The following CCDC148 variants were observed in gnomAD, a reference collection of about 807,000 sequenced individuals.
CCDC148 encodes coiled-coil domain-containing protein 148.
Under a neutral mutation model 85.7 loss-of-function variants are expected in CCDC148, and 89 were observed. That is an observed-to-expected ratio of 1.04 (90% CI 0.87 to 1.24). The LOEUF (loss-of-function observed/expected upper bound fraction) is 1.24. Among genes scored for constraint, CCDC148 ranks in the 50% most tolerant of loss-of-function variants. CCDC148 has a pLI of 0.00. For missense variants in CCDC148, 692 were observed against 671.7 expected, an observed-to-expected ratio of 1.03 and a Z score of -0.33; for synonymous variants, 230 against 213.9, an observed-to-expected ratio of 1.08 and a Z score of -0.66.
chr2:158,314,014 T>A, intron 7 of CCDC148, 120 bp from the exon 8 acceptor site: 1 of 899,826 alleles, frequency 1.1e-6, no homozygotes, highest in Non-Finnish European at 1.6e-6. Context: ...CTGTGTATTT[T>A]AAATACATTA....
chr2:158,179,068 AG>A, intron 11 of CCDC148, 72 bp from the exon 12 acceptor site: 1 of 1,143,050 alleles, frequency 8.7e-7, no homozygotes, highest in Non-Finnish European at 1.3e-6. Flanking sequence ...AAAACAGCAT[AG>A]GGGCAGAACA....
intron 1 of CCDC148, among the ~76,000 whole-genome samples, chr2:158,413,432 T>TA (rs1686354057): frequency 6.6e-6 from 1 of 152,190 alleles, no homozygotes; most frequent in African/African-American, 2.4e-5. Flanking sequence ...CATTTAATTT[T>TA]AAAAATTAAT....
intron 11 of CCDC148, among the ~76,000 whole-genome samples, chr2:158,205,298 G>C (rs1204867166): frequency 6.6e-6 from 1 of 152,116 alleles, no homozygotes; most frequent in Non-Finnish European, 1.5e-5. Context: ...ATTGGGCAGT[G>C]AGTACATCCT....
At chr2:158,291,801 A>T (rs1338314578) in intron 9 of CCDC148, among the ~76,000 whole-genome samples, 1 of 152,228 alleles carries the variant, frequency 6.6e-6, no homozygotes, top group East Asian at 1.9e-4. Flanking sequence ...GTAGGTGCAC[A>T]AAAACTATTT....
chr2:158,351,563 T>C (rs1479014281), intron 2 of CCDC148, among the ~76,000 whole-genome samples: 1 of 152,214 alleles, frequency 6.6e-6, no homozygotes, highest in East Asian at 1.9e-4. Flanking sequence ...CGCACCTGGC[T>C]TGGAGGGTCC....
rs563547953 is a variant in CCDC148 at position 158,326,958 on chromosome 2, A to G, written c.764+11768T>C. On this transcript the variant is annotated intron_variant, in intron 7 of 13. Transcript: ENST00000283233. ...TTACTTAACTATATACCTCACCCTA[A>G]CCCTTACATATTGTTCCATGTCAGT... Among the ~76,000 whole-genome samples the G allele has an allele frequency of 2.6e-5, 4 of 152,140 alleles. No homozygotes were observed. In the South Asian group the frequency reaches 8.3e-4, roughly 32 times the overall value.
At chr2:158,253,378 A>G (rs1453588495) in intron 9 of CCDC148, among the ~76,000 whole-genome samples, 1 of 151,578 alleles carries the variant, frequency 6.6e-6, no homozygotes, top group East Asian at 1.9e-4. Flanking sequence ...TTCTTAGCTC[A>G]TGGAGTGACT....
At chr2:158,240,452 T>TCTCTCCCACACA (rs941238898) in intron 10 of CCDC148, among the ~76,000 whole-genome samples, 9 of 120,468 alleles carry the variant, frequency 7.5e-5, no homozygotes, top group Non-Finnish European at 1.4e-4. Flanking sequence ...TCTCTCTCTC[T>TCTCTCCCACACA]CACACACACA....
At chr2:158,236,673 A>C (rs1408134718) in intron 10 of CCDC148, among the ~76,000 whole-genome samples, 1 of 152,156 alleles carries the variant, frequency 6.6e-6, no homozygotes, top group Non-Finnish European at 1.5e-5. Context: ...GGCAAAACCC[A>C]CAGAGCCTAC....
intron 9 of CCDC148, among the ~76,000 whole-genome samples, chr2:158,285,990 A>G (rs1690606206): frequency 6.6e-6 from 1 of 152,180 alleles, no homozygotes; most frequent in African/African-American, 2.4e-5. Context: ...CACTGGTAAA[A>G]GGAAGCAAAA....
chr2:158,374,941 A>C (rs558567378), intron 1 of CCDC148, among the ~76,000 whole-genome samples: 1 of 152,172 alleles, frequency 6.6e-6, no homozygotes, highest in Admixed American at 6.6e-5. Flanking sequence ...TACAAGGTAA[A>C]TTCTAAATAA....
intron 13 of CCDC148, among the ~76,000 whole-genome samples, chr2:158,173,366 G>A (rs775470814): frequency 1.3e-5 from 2 of 152,002 alleles, no homozygotes; most frequent in Non-Finnish European, 2.9e-5. Context: ...GGCTTGCATG[G>A]CCATGCCGAG....
At chr2:158,280,269 C>T (rs1267201143) in intron 9 of CCDC148, among the ~76,000 whole-genome samples, 2 of 152,128 alleles carry the variant, frequency 1.3e-5, no homozygotes, top group Admixed American at 6.5e-5. Flanking sequence ...CAAATTCACA[C>T]ATAACAATAT....
chr2:158,433,935 G>A (rs7565508), intron 1 of CCDC148, among the ~76,000 whole-genome samples: 25,395 of 152,172 alleles, frequency 0.17, 2,283 homozygotes, highest in Middle Eastern at 0.21. Context: ...AGGGGCGTCC[G>A]CCATTGCTGA....
intron 9 of CCDC148, among the ~76,000 whole-genome samples, chr2:158,280,538 A>G (rs1472696332): frequency 1.3e-5 from 2 of 152,250 alleles, no homozygotes; most frequent in Admixed American, 6.5e-5. Flanking sequence ...GAAGGCCAAT[A>G]CATAATGGTA....
intron 1 of CCDC148, among the ~76,000 whole-genome samples, chr2:158,368,486 A>AT (rs1198561133): frequency 1.4e-4 from 22 of 152,216 alleles, no homozygotes; most frequent in Admixed American, 2.6e-4. Flanking sequence ...CTTGAACAGA[A>AT]TTTTTTATGT....
At chr2:158,253,413 T>C (rs12328335) in intron 9 of CCDC148, among the ~76,000 whole-genome samples, 26,240 of 151,544 alleles carry the variant, frequency 0.17, 3,034 homozygotes, top group African/African-American at 0.32. Flanking sequence ...CTTGAAATGC[T>C]CTCAGATTTC....
intron 10 of CCDC148, among the ~76,000 whole-genome samples, chr2:158,226,043 T>A (rs539512316): frequency 6.6e-6 from 1 of 152,098 alleles, no homozygotes; most frequent in East Asian, 1.9e-4. Context: ...ATCAACAAAA[T>A]TGATAGACTG....
At chr2:158,324,938 T>A (rs1233496112) in intron 7 of CCDC148, among the ~76,000 whole-genome samples, 1 of 152,088 alleles carries the variant, frequency 6.6e-6, no homozygotes, top group Admixed American at 6.6e-5. Context: ...GAACCATCTG[T>A]GCTTATTCCT....
Sources: gnomAD v4.1 joint callset for allele counts (sites outside exome capture counted in the v4.1 genomes callset) on GRCh38, gnomAD v4.1.1 for gene constraint, MANE v1.5 for transcripts, NCBI Gene and HGNC (gene_info 2026-07-23, HGNC 2026-07-21) for gene names.